The following SDK1 variants were observed in gnomAD, a reference collection of about 807,000 sequenced individuals.
SDK1 encodes protein sidekick-1.
SDK1 carries 157 observed loss-of-function variants against 245.5 expected under a neutral mutation model. That is an observed-to-expected ratio of 0.64 (90% CI 0.56 to 0.73). The LOEUF is 0.73. SDK1 is among the 30% of genes least tolerant of loss of function. SDK1 has a pLI of 0.00. For missense variants in SDK1, 3,583 were observed against 3,002.3 expected (o/e 1.19, Z -4.52); for synonymous variants, 1,647 against 1,278.5 (o/e 1.29, Z -6.15).
intron 25 of SDK1, among the ~76,000 whole-genome samples, chr7:4,118,368 CAATGA>C (rs777306363): frequency 1.3e-5 from 2 of 152,112 alleles, no homozygotes; most frequent in African/African-American, 4.8e-5. Flanking sequence ...ATCTAAGCTG[CAATGA>C]GATACCACTT....
intron 1 of SDK1, among the ~76,000 whole-genome samples, chr7:3,560,995 AT>A (rs978127396): frequency 2.6e-5 from 4 of 151,782 alleles, no homozygotes; most frequent in South Asian, 4.2e-4. Flanking sequence ...CCTTTCTCAC[AT>A]TTTTTTTCTT....
chr7:4,094,333 A>G (rs1782002091), intron 22 of SDK1, among the ~76,000 whole-genome samples: 1 of 152,168 alleles, frequency 6.6e-6, no homozygotes, highest in Admixed American at 6.5e-5. Flanking sequence ...AAGTGCTGGT[A>G]TTATAGGTGT....
chr7:3,955,938 CCTGGAGG>C (rs1212629659), intron 7 of SDK1, among the ~76,000 whole-genome samples: 1 of 152,178 alleles, frequency 6.6e-6, no homozygotes, highest in Non-Finnish European at 1.5e-5. Flanking sequence ...TTGCGCTGCC[CCTGGAGG>C]CAGCTGCCAT....
chr7:3,971,698 T>G (rs546524686), intron 12 of SDK1, 130 bp downstream of exon 12: 1 of 714,886 alleles, frequency 1.4e-6, no homozygotes, highest in Admixed American at 2.1e-5. Flanking sequence ...TACGGTATCT[T>G]CTGGTTGTGG....
chr7:3,611,472 T>C (rs1046550604), intron 1 of SDK1, among the ~76,000 whole-genome samples: 4 of 152,184 alleles, frequency 2.6e-5, no homozygotes, highest in Non-Finnish European at 5.9e-5. Flanking sequence ...CTCACTGCCT[T>C]TTCTCAGCTT....
At chr7:3,329,737 G>C (rs899250223) in intron 1 of SDK1, among the ~76,000 whole-genome samples, 2 of 152,116 alleles carry the variant, frequency 1.3e-5, no homozygotes, top group African/African-American at 4.8e-5. Context: ...TCTACATCTG[G>C]TGTTCAACCA....
Position 3,328,169 on chromosome 7 carries a change from C to T in SDK1, c.298+26285C>T, listed in dbSNP as rs558110244. Among the ~76,000 whole-genome samples the T allele has an allele frequency of 3.3e-5, 5 of 152,222 alleles. No individual in the cohort carries two copies. In the South Asian group the frequency reaches 1.0e-3, roughly 32 times the overall value. ...GAAATCTGTAGTTGAAATATTATAA[C>T]TGTTGAACAAAGAGATGTCTTCCAG... On this transcript the variant is annotated intron_variant, in intron 1 of 44. Coordinates refer to ENST00000404826, the MANE Select transcript of SDK1 (RefSeq NM_152744.4).
intron 1 of SDK1, among the ~76,000 whole-genome samples, chr7:3,368,224 T>A (rs10499327): frequency 0.46 from 70,255 of 152,072 alleles, 17,794 homozygotes; most frequent in East Asian, 0.61. Context: ...ATAAGTCATG[T>A]TAATTTCTAG....
At chr7:3,775,822 C>T (rs543353149) in intron 4 of SDK1, among the ~76,000 whole-genome samples, 98 of 152,104 alleles carry the variant, frequency 6.4e-4, no homozygotes, top group Non-Finnish European at 1.1e-3. Flanking sequence ...ATGATCCACC[C>T]GCCTCGGCCT....
At chr7:3,948,247 A>G (rs1006709263) in intron 5 of SDK1, among the ~76,000 whole-genome samples, 1 of 116,122 alleles carries the variant, frequency 8.6e-6, no homozygotes, top group Non-Finnish European at 1.7e-5. Context: ...GTGTATCACC[A>G]TTGCTTTTTT....
At chr7:4,238,065 T>G (rs573404900) in intron 42 of SDK1, among the ~76,000 whole-genome samples, 2 of 151,610 alleles carry the variant, frequency 1.3e-5, no homozygotes, top group East Asian at 3.9e-4. Context: ...ATCCCCACTC[T>G]GTACCTTTGT....
chr7:3,633,096 T>A (rs1782347709), intron 2 of SDK1, among the ~76,000 whole-genome samples: 1 of 152,162 alleles, frequency 6.6e-6, no homozygotes, highest in South Asian at 2.1e-4. Context: ...ATTTTAAGGA[T>A]AAGAATAGGC....
chr7:3,793,992 C>T (rs1350131217), intron 4 of SDK1, among the ~76,000 whole-genome samples: 4 of 152,200 alleles, frequency 2.6e-5, no homozygotes, highest in African/African-American at 9.6e-5. Flanking sequence ...CTCCAACCCC[C>T]ACATCCTAGT....
intron 1 of SDK1, among the ~76,000 whole-genome samples, chr7:3,450,338 C>G (rs1022133821): frequency 1.3e-5 from 2 of 152,126 alleles, no homozygotes; most frequent in Admixed American, 6.5e-5. Flanking sequence ...AAGGACTTCT[C>G]TGGACAAATG....
chr7:3,621,943 G>A (rs1223230199), intron 2 of SDK1, among the ~76,000 whole-genome samples: 2 of 152,118 alleles, frequency 1.3e-5, no homozygotes, highest in South Asian at 4.1e-4. Context: ...TTACTTTATA[G>A]TATTTAATAA....
intron 39 of SDK1, among the ~76,000 whole-genome samples, 156 bp downstream of exon 39, chr7:4,220,426 T>A (rs1048863376): frequency 6.6e-6 from 1 of 151,856 alleles, no homozygotes; most frequent in African/African-American, 2.4e-5. Context: ...ATGGACGTCT[T>A]CAAAAGCACG....
chr7:3,649,326 A>C (rs540157722), intron 4 of SDK1, among the ~76,000 whole-genome samples: 1 of 152,086 alleles, frequency 6.6e-6, no homozygotes, highest in South Asian at 2.1e-4. Context: ...CGCATTTTCA[A>C]AGTTCATAGA....
At chr7:3,388,019 A>T (rs979840643) in intron 1 of SDK1, among the ~76,000 whole-genome samples, 1 of 152,212 alleles carries the variant, frequency 6.6e-6, no homozygotes, top group Non-Finnish European at 1.5e-5. Flanking sequence ...CACTATGTTA[A>T]TACAAATCTG....
At position 3,984,850 on chromosome 7, in the gene SDK1, TC is replaced by T. The variant is rs576777641; in HGVS notation, c.1995-2333del. Reference sequence around the variant, plus strand: ...TCCCAGAACCAATGTCAAAAAGACATCCCAGAAATTGTGAACATAAGCTCAT... The same window carrying T: ...TCCCAGAACCAATGTCAAAAAGACATCCAGAAATTGTGAACATAAGCTCAT... On this transcript the variant is annotated intron_variant, in intron 13 of 44. Coordinates refer to ENST00000404826, the MANE Select transcript of SDK1 (RefSeq NM_152744.4). 2.6e-3 allele frequency among the ~76,000 whole-genome samples: 396 copies of T among 152,302 alleles called. 3 individuals are homozygous for T. The highest frequency in any genetic ancestry group is 8.8e-3 in the African/African-American group (367 of 41,562).
Sources: gnomAD v4.1 joint callset for allele counts (sites outside exome capture counted in the v4.1 genomes callset) on GRCh38, gnomAD v4.1.1 for gene constraint, MANE v1.5 for transcripts, NCBI Gene and HGNC (gene_info 2026-07-23, HGNC 2026-07-21) for gene names.